Variants in DACH2 observed in about 807,000 individuals in gnomAD.
The protein encoded by DACH2 is dachshund homolog 2.
In DACH2, 17 loss-of-function variants were observed where a neutral mutation model predicts 35.8. That is an observed-to-expected ratio of 0.48 (90% CI 0.33 to 0.71). DACH2 has a LOEUF of 0.71. DACH2 is among the 30% of genes least tolerant of loss of function. The pLI, the probability that DACH2 is intolerant of heterozygous loss-of-function variation, is 0.02. For synonymous variants in DACH2, 195 were observed against 177.3 expected, an observed-to-expected ratio of 1.10 and a Z score of -0.79; for missense variants, 469 against 472.7, an observed-to-expected ratio of 0.99 and a Z score of 0.07.
intron 1 of DACH2, among the ~76,000 whole-genome samples, chrX:86,280,469 G>A (rs2034003063): frequency 8.9e-6 from 1 of 112,055 alleles, no homozygotes; most frequent in Non-Finnish European, 1.9e-5. Flanking sequence ...AACATGGAAA[G>A]GAGAAACTGG....
chrX:86,291,130 G>A (rs1245029881), intron 1 of DACH2, among the ~76,000 whole-genome samples: 11 of 105,718 alleles, frequency 1.0e-4, no homozygotes, highest in African/African-American at 3.9e-4. Context: ...TCCTTGAAGA[G>A]GTCCTTCACA....
At chrX:86,669,333 A>G (rs914004394) in intron 4 of DACH2, among the ~76,000 whole-genome samples, 4 of 111,462 alleles carry the variant, frequency 3.6e-5, no homozygotes, top group African/African-American at 1.3e-4. Context: ...ATGATTATCA[A>G]CTTCAGTCAT....
chrX:86,670,307 C>T (rs1475107265), intron 4 of DACH2, among the ~76,000 whole-genome samples: 1 of 111,124 alleles, frequency 9.0e-6, no homozygotes, highest in Admixed American at 9.6e-5. Context: ...TGTGCCATTG[C>T]ATTCTATATG....
chrX:86,212,419 G>T (rs1439271529), intron 1 of DACH2, among the ~76,000 whole-genome samples: 1 of 111,234 alleles, frequency 9.0e-6, no homozygotes, highest in Non-Finnish European at 1.9e-5. Flanking sequence ...GACTACTTTA[G>T]AATGAATTTA....
chrX:86,324,571 C>CTTTTTTT (rs56918891), intron 1 of DACH2, among the ~76,000 whole-genome samples: 26 of 40,646 alleles, frequency 6.4e-4, no homozygotes, highest in Non-Finnish European at 7.9e-4. Flanking sequence ...TCACTGTTGT[C>CTTTTTTT]TTTTTTTTTT....
At chrX:86,638,208 T>C (rs1321854344) in intron 3 of DACH2, among the ~76,000 whole-genome samples, 1 of 111,744 alleles carries the variant, frequency 8.9e-6, no homozygotes, top group Non-Finnish European at 1.9e-5. Flanking sequence ...TGGATTACCA[T>C]ATGCCGAAGA....
At chrX:86,208,826 A>G (rs994474090) in intron 1 of DACH2, among the ~76,000 whole-genome samples, 1 of 111,718 alleles carries the variant, frequency 9.0e-6, no homozygotes, top group Non-Finnish European at 1.9e-5. Context: ...AAGTTCAAAA[A>G]TGGTATTGTT....
At chrX:86,376,103 G>A (rs1197895618) in intron 1 of DACH2, among the ~76,000 whole-genome samples, 1 of 109,275 alleles carries the variant, frequency 9.2e-6, no homozygotes, top group Non-Finnish European at 1.9e-5. Flanking sequence ...TCTTTTGTAT[G>A]TGTTTAATTT....
chrX:86,788,170 C>CTATAGGAA (rs1006848792), intron 7 of DACH2, among the ~76,000 whole-genome samples: 1 of 110,804 alleles, frequency 9.0e-6, no homozygotes, highest in Admixed American at 9.7e-5. Context: ...TCGAGTATTC[C>CTATAGGAA]TATAGGAAGA....
chrX:86,179,969 TTTGCAAGATC>T (rs1277374454), intron 1 of DACH2, among the ~76,000 whole-genome samples: 2 of 108,414 alleles, frequency 1.8e-5, no homozygotes, highest in East Asian at 5.8e-4. Flanking sequence ...CAAATATGTA[TTTGCAAGATC>T]TTGCCTTGAT....
Position 86,819,236 on chromosome X carries a change from A to G in DACH2, c.1750+3137A>G, listed in dbSNP as rs748684553. Among the ~76,000 whole-genome samples, 12 of 109,844 alleles carry G rather than the reference A, an allele frequency of 1.1e-4. No homozygotes were observed. The East Asian group carries it at 3.5e-3, about 32-fold the overall frequency. On this transcript the variant is annotated intron_variant, in intron 11 of 11. Transcript: ENST00000373125. ...CAGAATGTTTTCTGGTGATCACGCAATGTGTATATACTACTCCAATGGTTA... is the reference window on the plus strand; with the variant it reads ...CAGAATGTTTTCTGGTGATCACGCAGTGTGTATATACTACTCCAATGGTTA...
chrX:86,570,209 C>T (rs1035791140), intron 3 of DACH2, among the ~76,000 whole-genome samples: 6 of 111,338 alleles, frequency 5.4e-5, no homozygotes, highest in African/African-American at 1.6e-4. Context: ...ACTGGAAATA[C>T]CATTTGACCC....
At chrX:86,267,348 C>A (rs978028811) in intron 1 of DACH2, among the ~76,000 whole-genome samples, 1 of 111,559 alleles carries the variant, frequency 9.0e-6, no homozygotes, top group African/African-American at 3.2e-5. Flanking sequence ...TGAGGATGGT[C>A]TTGATTATTT....
At chrX:86,734,261 A>G (rs1463705891) in intron 6 of DACH2, among the ~76,000 whole-genome samples, 1 of 110,892 alleles carries the variant, frequency 9.0e-6, no homozygotes. Context: ...TCGTGCTTAC[A>G]TATTCCAGCT....
At chrX:86,596,683 C>T (rs2039716871) in intron 3 of DACH2, among the ~76,000 whole-genome samples, 1 of 111,352 alleles carries the variant, frequency 9.0e-6, no homozygotes, top group Non-Finnish European at 1.9e-5. Context: ...CTTTTTAACT[C>T]TCTTGATATG....
chrX:86,766,899 C>T (rs1429376181), intron 7 of DACH2, among the ~76,000 whole-genome samples: 1 of 111,012 alleles, frequency 9.0e-6, no homozygotes, highest in Non-Finnish European at 1.9e-5. Flanking sequence ...TCCTTAATAC[C>T]CACAGTTGAA....
chrX:86,454,494 T>C (rs1475455431), intron 2 of DACH2, among the ~76,000 whole-genome samples: 1 of 112,345 alleles, frequency 8.9e-6, no homozygotes, highest in Non-Finnish European at 1.9e-5. Context: ...TTATTTCGTA[T>C]TCTTGTCTGA....
chrX:86,308,921 C>T (rs1360193476), intron 1 of DACH2, among the ~76,000 whole-genome samples: 1 of 111,091 alleles, frequency 9.0e-6, no homozygotes, highest in Non-Finnish European at 1.9e-5. Context: ...TCACTGGACT[C>T]ATCCTGTGGT....
chrX:86,423,773 T>C (rs959402761), intron 2 of DACH2, among the ~76,000 whole-genome samples: 4 of 110,982 alleles, frequency 3.6e-5, no homozygotes, highest in Non-Finnish European at 5.7e-5. Flanking sequence ...TGTTTTCTTG[T>C]AGTAGTTTCA....
Sources: gnomAD v4.1 joint callset for allele counts (sites outside exome capture counted in the v4.1 genomes callset) on GRCh38, gnomAD v4.1.1 for gene constraint, MANE v1.5 for transcripts, NCBI Gene and HGNC (gene_info 2026-07-23, HGNC 2026-07-21) for gene names.